Variants in CREB5 observed in about 807,000 individuals in gnomAD.
CREB5 encodes cAMP responsive element binding protein 5.
Under a neutral mutation model 57.1 loss-of-function variants are expected in CREB5, and 19 were observed. That is an observed-to-expected ratio of 0.33 (90% CI 0.23 to 0.49). CREB5 has a LOEUF of 0.49. CREB5 is among the 20% of genes least tolerant of loss of function. The pLI, the probability that CREB5 is intolerant of heterozygous loss-of-function variation, is 0.99. For missense variants in CREB5, 579 were observed against 671.6 expected (o/e 0.86, Z 1.52); for synonymous variants, 238 against 238.3 (o/e 1.00, Z 0.01).
chr7:28,700,797 C>T (rs1302263101), intron 5 of CREB5, among the ~76,000 whole-genome samples: 2 of 152,038 alleles, frequency 1.3e-5, no homozygotes, highest in Non-Finnish European at 1.5e-5. Flanking sequence ...AGTGAATCTA[C>T]CACACAAGGG....
intron 1 of CREB5, among the ~76,000 whole-genome samples, chr7:28,477,985 A>G (rs4719937): frequency 0.17 from 26,125 of 151,954 alleles, 2,346 homozygotes; most frequent in South Asian, 0.27. Flanking sequence ...GTGGTGGTGC[A>G]CACCTGTGGT....
At chr7:28,351,571 A>T (rs1786186069) in intron 1 of CREB5, among the ~76,000 whole-genome samples, 1 of 152,070 alleles carries the variant, frequency 6.6e-6, no homozygotes, top group African/African-American at 2.4e-5. Flanking sequence ...CATTGATATC[A>T]TTTCATATAT....
intron 5 of CREB5, among the ~76,000 whole-genome samples, chr7:28,710,228 C>T (rs1227049305): frequency 2.6e-5 from 4 of 152,032 alleles, no homozygotes; most frequent in Non-Finnish European, 4.4e-5. Flanking sequence ...AAATGGAGTT[C>T]CATTTATGAC....
At chr7:28,799,939 A>G (rs1000026713) in intron 7 of CREB5, among the ~76,000 whole-genome samples, 1 of 152,188 alleles carries the variant, frequency 6.6e-6, no homozygotes, top group Admixed American at 6.5e-5. Flanking sequence ...CATTTATCAT[A>G]AGCCTCAGAA....
chr7:28,435,690 T>C (rs1194974204), intron 1 of CREB5: 8 of 984,232 alleles, frequency 8.1e-6, no homozygotes, highest in Non-Finnish European at 9.6e-6. Flanking sequence ...ATTTTCAGGG[T>C]AAGTGGTGGG....
At chr7:28,377,425 T>G (rs1786855831) in intron 1 of CREB5, among the ~76,000 whole-genome samples, 1 of 152,206 alleles carries the variant, frequency 6.6e-6, no homozygotes, top group African/African-American at 2.4e-5. Context: ...TTGTTTTTAC[T>G]TTTCAATATA....
intron 5 of CREB5, among the ~76,000 whole-genome samples, chr7:28,594,303 T>C (rs561992356): frequency 3.7e-4 from 56 of 152,362 alleles, no homozygotes; most frequent in Non-Finnish European, 7.3e-4. Flanking sequence ...TGTTCTGTTA[T>C]TGAGAGGGAG....
At chr7:28,711,727 G>C (rs1802407534) in intron 5 of CREB5, among the ~76,000 whole-genome samples, 1 of 152,190 alleles carries the variant, frequency 6.6e-6, no homozygotes. Context: ...GTGGGTGAGA[G>C]AAGTTCATTT....
chr7:28,484,091 C>T (rs1473108095), intron 1 of CREB5, among the ~76,000 whole-genome samples: 1 of 152,092 alleles, frequency 6.6e-6, no homozygotes, highest in Non-Finnish European at 1.5e-5. Flanking sequence ...TGGCAGTTGC[C>T]AAGCAAAACT....
intron 1 of CREB5, among the ~76,000 whole-genome samples, chr7:28,328,597 T>C (rs532630433): frequency 6.6e-6 from 1 of 152,340 alleles, no homozygotes; most frequent in African/African-American, 2.4e-5. Flanking sequence ...AAGAATAATA[T>C]TTGCTGAGCA....
chr7:28,387,414 AT>A lies in CREB5; in HGVS notation c.-25+87974del, dbSNP rs1787131290. ...GTTCATGTCCTTTGCCCACTTTTTA[AT>A]GGGGTTGTTTGTTTTTTTTTCTTGT... On this transcript the variant is annotated intron_variant, in intron 1 of 9. Coordinates refer to the CREB5 transcript ENST00000396299. Among the ~76,000 whole-genome samples, 6 of 151,630 alleles carry A rather than the reference AT, an allele frequency of 4.0e-5. No homozygotes were observed. In the South Asian group the frequency reaches 1.3e-3, roughly 32 times the overall value.
chr7:28,446,279 T>A (rs960250283), intron 1 of CREB5, among the ~76,000 whole-genome samples: 2 of 152,164 alleles, frequency 1.3e-5, no homozygotes, highest in Non-Finnish European at 2.9e-5. Context: ...CTGGAGCATT[T>A]GGAGCTAACT....
chr7:28,679,052 C>CCTTTT (rs757683314), intron 5 of CREB5, among the ~76,000 whole-genome samples: 2 of 123,866 alleles, frequency 1.6e-5, no homozygotes, highest in Non-Finnish European at 3.3e-5. Flanking sequence ...TTTTGTAGTT[C>CCTTTT]TTTTTTTTTT....
At chr7:28,469,881 A>G (rs183546565) in intron 1 of CREB5, among the ~76,000 whole-genome samples, 1 of 152,170 alleles carries the variant, frequency 6.6e-6, no homozygotes, top group African/African-American at 2.4e-5. Context: ...ATTTGAACCC[A>G]TGTACTCTTT....
chr7:28,441,157 T>C lies in CREB5; in HGVS notation c.3+28240T>C, dbSNP rs546031281. On this transcript the variant is annotated intron_variant, in intron 1 of 10. Transcript: ENST00000357727. ...TGATTTAAATACCTTCCAGTGTGCT[T>C]TCCCCCTCCCTTTTAAAAATAGAAA... Among the ~76,000 whole-genome samples, 107 of 152,152 alleles carry C rather than the reference T, an allele frequency of 7.0e-4. 6 individuals are homozygous for C. The highest frequency in any genetic ancestry group is 2.4e-4 in the Non-Finnish European group (16 of 68,022).
chr7:28,609,090 A>G (rs1251444569), intron 5 of CREB5: 1 of 152,276 alleles, frequency 6.6e-6, no homozygotes, highest in Non-Finnish European at 1.5e-5. Context: ...ATAGCCTTGC[A>G]GATACATTTT....
intron 5 of CREB5, among the ~76,000 whole-genome samples, chr7:28,610,895 G>A (rs1311576681): frequency 6.6e-6 from 1 of 152,086 alleles, no homozygotes; most frequent in African/African-American, 2.4e-5. Flanking sequence ...GTGCGTGTGT[G>A]TGTGTGTGTG....
At chr7:28,583,857 T>C (rs887680234) in intron 5 of CREB5, among the ~76,000 whole-genome samples, 5 of 152,052 alleles carry the variant, frequency 3.3e-5, no homozygotes, top group Non-Finnish European at 7.4e-5. Flanking sequence ...TTTGTATTTT[T>C]AGTAGAGACA....
intron 3 of CREB5, among the ~76,000 whole-genome samples, chr7:28,495,434 C>T (rs1164408674): frequency 1.3e-5 from 2 of 151,284 alleles, no homozygotes; most frequent in South Asian, 2.1e-4. Flanking sequence ...CCCAGCTACA[C>T]GGGAGGCTGA....
Sources: allele counts gnomAD v4.1 joint callset (sites outside exome capture counted in the v4.1 genomes callset), GRCh38; gene constraint gnomAD v4.1.1; transcripts MANE v1.5; gene names NCBI Gene and HGNC (gene_info 2026-07-23, HGNC 2026-07-21).